PCNT: variants seen among roughly 807,000 people sequenced by gnomAD.
PCNT encodes the protein pericentrin, also known as kendrin.
In PCNT, 319 loss-of-function variants were observed where a neutral mutation model predicts 380.4. That is an observed-to-expected ratio of 0.84 (90% CI 0.77 to 0.92). The LOEUF (loss-of-function observed/expected upper bound fraction) is 0.92. Among genes scored for constraint, PCNT ranks in the 40% least tolerant of loss-of-function variants. The pLI, the probability that PCNT is intolerant of heterozygous loss-of-function variation, is 0.00. For synonymous variants in PCNT, 1,845 were observed against 1,735.2 expected (o/e 1.06, Z -1.57); for missense variants, 4,400 against 4,255.3 (o/e 1.03, Z -0.95).
chr21:46,381,204 GT>G (rs2085525650), intron 15 of PCNT, among the ~76,000 whole-genome samples: 4 of 26,244 alleles, frequency 1.5e-4, no homozygotes, highest in South Asian at 1.1e-3. Flanking sequence ...CTCTGTGTGT[GT>G]GTGTGTGTGT....
At chr21:46,324,698 C>T (rs1221589881) in intron 1 of PCNT, among the ~76,000 whole-genome samples, 2 of 151,878 alleles carry the variant, frequency 1.3e-5, no homozygotes, top group African/African-American at 4.8e-5. Flanking sequence ...GCTGGATCTT[C>T]CAGTGGCTCC....
chr21:46,336,649 T>G (rs2083744883), intron 3 of PCNT, among the ~76,000 whole-genome samples: 1 of 152,084 alleles, frequency 6.6e-6, no homozygotes, highest in Non-Finnish European at 1.5e-5. Context: ...TTTACTAGAT[T>G]ATGGTGTTGA....
chr21:46,424,630 C>A (rs1356476804), intron 32 of PCNT, among the ~76,000 whole-genome samples: 1 of 152,204 alleles, frequency 6.6e-6, no homozygotes, highest in African/African-American at 2.4e-5. Context: ...AAGGAAATGG[C>A]CTGTCCTCTG....
In PCNT at chr21:46,388,413, G is replaced by A. The variant is rs886209105; in HGVS notation, c.3465-329G>A. Among the ~76,000 whole-genome samples, 11 of 152,306 alleles carry A rather than the reference G, an allele frequency of 7.2e-5. No individual in the cohort carries two copies. Among genetic ancestry groups the A allele is most frequent in the East Asian group, 3.9e-4 (2 of 5,182 alleles). ...GGGGCGGAGCCTGTGTGCTGCTCCC[G>A]GGTGATTGACGCTGTGCGGCCACAT... On this transcript the variant is annotated intron_variant, in intron 17 of 46. Transcript: ENST00000359568. The surrounding 1 kb of genome is among the most constrained non-coding windows in gnomAD (Gnocchi z 4.2).
intron 27 of PCNT, among the ~76,000 whole-genome samples, chr21:46,410,397 A>G (rs930532751): frequency 1.3e-5 from 2 of 152,252 alleles, no homozygotes; most frequent in South Asian, 2.1e-4. Context: ...TTGGAAGAAC[A>G]TATTAGTCTA....
At chr21:46,371,099 T>G (rs528943053) in intron 15 of PCNT, among the ~76,000 whole-genome samples, 1 of 152,074 alleles carries the variant, frequency 6.6e-6, no homozygotes. Context: ...GGTGCAGGCC[T>G]GTAGTTCCAG....
chr21:46,436,908 C>A, intron 39 of PCNT, 71 bp from the exon 40 acceptor site: 1 of 1,077,270 alleles, frequency 9.3e-7, no homozygotes, highest in Non-Finnish European at 1.4e-6. Context: ...GAGCCGTGAG[C>A]TCTTGTTTAG....
chr21:46,352,932 T>C (rs2084328206), intron 9 of PCNT, among the ~76,000 whole-genome samples, 172 bp from the exon 10 acceptor site: 1 of 152,210 alleles, frequency 6.6e-6, no homozygotes, highest in Non-Finnish European at 1.5e-5. Flanking sequence ...GCTCTCCACA[T>C]TCAGGGGCGT....
In PCNT at chr21:46,352,399, A is replaced by C. The variant is rs576287157; in HGVS notation, c.1457-705A>C. ...GTCGCTGGAGGCTGGAGAAGAGAGA[A>C]GCTGAGGGGGCCACAGGCACAGCTG... On this transcript the variant is annotated intron_variant, in intron 9 of 46. Coordinates refer to ENST00000359568, the MANE Select transcript of PCNT (RefSeq NM_006031.6). 2.0e-3 allele frequency among the ~76,000 whole-genome samples: 303 copies of C among 152,184 alleles called. 1 individual carries two copies. The highest frequency in any genetic ancestry group is 3.4e-3 in the Non-Finnish European group (228 of 68,012).
chr21:46,360,445 G>A (rs1244738457), intron 13 of PCNT, among the ~76,000 whole-genome samples: 1 of 142,602 alleles, frequency 7.0e-6, no homozygotes, highest in African/African-American at 2.6e-5. Context: ...GGATGTTCTC[G>A]ATCTCCTGAC....
At chr21:46,408,501 C>T (rs749756994) in intron 27 of PCNT, among the ~76,000 whole-genome samples, 39 of 152,274 alleles carry the variant, frequency 2.6e-4, no homozygotes, top group African/African-American at 8.7e-4. Flanking sequence ...GTTGCACTAC[C>T]GTTTTACATT....
At chr21:46,358,600 TTTGTTG>T (rs942649021) in intron 13 of PCNT, among the ~76,000 whole-genome samples, 2 of 151,870 alleles carry the variant, frequency 1.3e-5, no homozygotes, top group African/African-American at 4.8e-5. Context: ...CAAGTGACTT[TTTGTTG>T]TTGTTGTTGT....
chr21:46,427,954 A>G (rs1488135632), intron 34 of PCNT, among the ~76,000 whole-genome samples, 159 bp downstream of exon 34: 2 of 152,208 alleles, frequency 1.3e-5, no homozygotes, highest in African/African-American at 4.8e-5. Flanking sequence ...CGCTCAGTCC[A>G]TGCAGGATGC....
chr21:46,434,280 C>T (rs1333378373), intron 38 of PCNT, among the ~76,000 whole-genome samples: 1 of 152,170 alleles, frequency 6.6e-6, no homozygotes, highest in Non-Finnish European at 1.5e-5. Context: ...TTAAGAGGCC[C>T]GAGCATTGAG....
chr21:46,398,283 T>TC (rs762492472), intron 24 of PCNT, 28 bp downstream of exon 24: 10 of 1,590,734 alleles, frequency 6.3e-6, no homozygotes, highest in Non-Finnish European at 8.5e-6. Flanking sequence ...AGATGGGCAC[T>TC]CCCTGCGCTG....
intron 29 of PCNT, among the ~76,000 whole-genome samples, chr21:46,413,667 C>T (rs1044127847): frequency 6.6e-5 from 10 of 152,212 alleles, no homozygotes; most frequent in Non-Finnish European, 7.3e-5. Flanking sequence ...ACATCGCCCC[C>T]GTGGGCCTCA....
In PCNT at chr21:46,438,249, T is replaced by C. The variant is rs2053514957; in HGVS notation, c.9185T>C (p.Val3062Ala). ...TCCCTCACAAAAGCGCTCAGCACGG[T>C]GACCCAGGAGAAGCTGGAGCTGAGC... is the stretch of plus-strand genomic sequence containing the variant. ...NVSLTKALST[V>A]TQEKLELSRA... The change falls in exon 41 of 47, where the codon GTG becomes GCG. Residue 3062 changes from valine (V) to alanine (A), a missense_variant. Coordinates refer to ENST00000359568, the MANE Select transcript of PCNT (RefSeq NM_006031.6). 6.2e-7 allele frequency: 1 copy of C among 1,614,082 alleles called. No homozygotes were observed.
At position 46,416,824 on chromosome 21, in the gene PCNT, G is replaced by T; in HGVS notation, c.6906G>T (p.Val2302=). Residue 2302 remains valine, a synonymous_variant, in exon 30 of 47, where the codon GTG becomes GTT. Coordinates refer to ENST00000359568, the MANE Select transcript of PCNT (RefSeq NM_006031.6). The stretch of plus-strand genomic sequence containing the variant: ...CTCCGCCGGCTGACGACCACCATGT[G>T]CAGAGGACGGCTGTGGTAGGTGCCT... ...AESPPADDHH[V]QRTAVEKDVE... is the part of the protein sequence containing the mutation. The T allele has an allele frequency of 6.3e-7, 1 of 1,598,048 alleles. No individual in the cohort carries two copies. The highest frequency in any genetic ancestry group is 1.3e-5 in the African/African-American group (1 of 75,028).
chr21:46,410,525 C>T (rs1276861391), intron 27 of PCNT, among the ~76,000 whole-genome samples: 1 of 152,250 alleles, frequency 6.6e-6, no homozygotes, highest in Non-Finnish European at 1.5e-5. Context: ...ACATACATCT[C>T]AATCCTAATT....
Sources: allele counts gnomAD v4.1 joint callset (sites outside exome capture counted in the v4.1 genomes callset), GRCh38; gene constraint gnomAD v4.1.1; non-coding constraint Gnocchi (gnomAD v3.1); transcripts MANE v1.5; gene names NCBI Gene and HGNC (gene_info 2026-07-23, HGNC 2026-07-21).